Variants in DUOX1 observed in about 807,000 individuals in gnomAD.
The protein encoded by DUOX1 is NADPH thyroid oxidase 1.
A neutral mutation model predicts 181.8 loss-of-function variants in DUOX1; 134 were observed. The ratio of observed to expected loss-of-function variants is 0.74; its 90% CI spans 0.64 to 0.85. DUOX1 has a LOEUF of 0.85. DUOX1 is among the 40% of genes least tolerant of loss of function. DUOX1 has a pLI of 0.00. For missense variants in DUOX1, 1,814 were observed against 2,064.4 expected, an observed-to-expected ratio of 0.88 and a Z score of 2.35; for synonymous variants, 798 against 832.5, an observed-to-expected ratio of 0.96 and a Z score of 0.71.
intron 10 of DUOX1, 101 bp from the exon 11 acceptor site, chr15:45,138,965 G>A (rs1896413103): frequency 9.4e-7 from 1 of 1,065,292 alleles, no homozygotes; most frequent in Non-Finnish European, 1.4e-6. Flanking sequence ...AGCAGGACTG[G>A]GTGGGCTCAG....
chr15:45,139,684 G>A, intron 12 of DUOX1, 85 bp downstream of exon 12: 1 of 1,406,430 alleles, frequency 7.1e-7, no homozygotes, highest in East Asian at 2.5e-5. Flanking sequence ...AGTGAAACTT[G>A]AGCACAAGAG....
At chr15:45,133,728 T>C in intron 2 of DUOX1, 136 bp from the exon 3 acceptor site, 1 of 734,724 alleles carries the variant, frequency 1.4e-6, no homozygotes, top group Non-Finnish European at 2.3e-6. Context: ...CTCTGCACCC[T>C]ACCTCTCACA....
Position 45,143,229 on chromosome 15 carries a change from T to A in DUOX1, c.1862T>A (p.Met621Lys). 1 of 1,614,068 alleles carries A rather than the reference T, an allele frequency of 6.2e-7. No individual in the cohort carries two copies. The change falls in exon 16 of 34, where the codon ATG becomes AAG. Residue 621 changes from methionine (M) to lysine (K), a missense_variant. Coordinates refer to ENST00000389037, the MANE Select transcript of DUOX1 (RefSeq NM_175940.3). ...LSAWIVARLR[M>K]RNFKRLQGQD... ...GCCTGGATTGTTGCCCGGCTCCGGA[T>A]GAGAAATTTCAAGAGGCTCCAGGGC...
At chr15:45,152,836 A>C in intron 25 of DUOX1, 1 of 473,866 alleles carries the variant, frequency 2.1e-6, no homozygotes, top group Non-Finnish European at 3.9e-6. Context: ...CAAAGGAGTG[A>C]ACTTCTAATG....
chr15:45,135,043 T>C (rs949122853), intron 4 of DUOX1, 61 bp from the exon 5 acceptor site: 1 of 1,584,080 alleles, frequency 6.3e-7, no homozygotes, highest in Non-Finnish European at 8.6e-7. Context: ...ACTGGATACC[T>C]AGGGTAAGAA....
chr15:45,154,048 C>G, intron 27 of DUOX1, 48 bp downstream of exon 27: 2 of 1,587,506 alleles, frequency 1.3e-6, no homozygotes, highest in South Asian at 2.2e-5. Context: ...ACTGTGAGTT[C>G]AAGGCTCTGG....
chr15:45,135,080 C>G (rs747911231), intron 4 of DUOX1, 24 bp from the exon 5 acceptor site: 3 of 1,607,778 alleles, frequency 1.9e-6, no homozygotes, highest in Non-Finnish European at 2.5e-6. Context: ...CTTGCCCTAG[C>G]ACCCCCTCCT....
chr15:45,137,920 T>G lies in DUOX1; in HGVS notation c.1023-4T>G, dbSNP rs1236124212. 1 of 1,601,736 alleles carries G rather than the reference T, an allele frequency of 6.2e-7. No individual in the cohort carries two copies. On this transcript the variant is annotated splice_polypyrimidine_tract_variant and splice_region_variant and intron_variant, in intron 9 of 33. Coordinates refer to ENST00000389037, the MANE Select transcript of DUOX1 (RefSeq NM_175940.3). The stretch of plus-strand genomic sequence containing the variant: ...TCACCATCTCCCTGCTCCTTGCATT[T>G]CAGAAATGCCAGCTGCCACTTCCAG...
At chr15:45,140,859 G>T (rs751274492) in intron 12 of DUOX1, 36 bp from the exon 13 acceptor site, 1 of 1,608,000 alleles carries the variant, frequency 6.2e-7, no homozygotes. Context: ...TGGGTGCCGT[G>T]TCCTTTCTCT....
At chr15:45,161,628 C>A in intron 29 of DUOX1, 110 bp from the exon 30 acceptor site, 1 of 991,554 alleles carries the variant, frequency 1.0e-6, no homozygotes, top group Non-Finnish European at 1.5e-6. Context: ...GGGGAGGCCT[C>A]CTTTGTCATA....
rs201145565 is a variant in DUOX1 at position 45,134,189 on chromosome 15, G to A, written c.187G>A (p.Val63Met). Residue 63 changes from valine (V) to methionine (M), a missense_variant, in exon 4 of 34, where the codon GTG (valine) becomes ATG (methionine). Val to Met is a conservative substitution (Grantham distance 21). Transcript: ENST00000389037. ...RLVPASYADG[V>M]YQPLGEPHLP... Reference sequence around the variant, plus strand: ...GGTCCCAGCCAGCTATGCAGATGGCGTGTACCAGCCCTTGGGAGAACCCCA... The same window carrying A: ...GGTCCCAGCCAGCTATGCAGATGGCATGTACCAGCCCTTGGGAGAACCCCA... 8.2e-5 allele frequency: 128 copies of A among 1,557,664 alleles called. No homozygotes were observed. Among genetic ancestry groups the A allele is most frequent in the Non-Finnish European group, 9.8e-5 (113 of 1,156,654 alleles).
At chr15:45,147,746 GC>G (rs781266941) in intron 19 of DUOX1, 88 bp downstream of exon 19, 141 of 1,587,046 alleles carry the variant, frequency 8.9e-5, no homozygotes, top group Non-Finnish European at 1.1e-4. Context: ...TCCAGCCATG[GC>G]AGATGCCCAG....
chr15:45,134,641 C>G (rs542591763), intron 4 of DUOX1, among the ~76,000 whole-genome samples: 4 of 152,088 alleles, frequency 2.6e-5, no homozygotes, highest in Non-Finnish European at 5.9e-5. Context: ...AGGGCCTCTC[C>G]GTGGGACCCT....
At chr15:45,164,405 A>C (rs1478578335) in intron 33 of DUOX1, among the ~76,000 whole-genome samples, 1 of 151,948 alleles carries the variant, frequency 6.6e-6, no homozygotes, top group Non-Finnish European at 1.5e-5. Flanking sequence ...CTAGACCTAT[A>C]AACACTGAGC....
In DUOX1 at chr15:45,136,161, C is replaced by G. The variant is rs1040156080; in HGVS notation, c.865-189C>G. Among the ~76,000 whole-genome samples the G allele has an allele frequency of 5.3e-5, 8 of 151,500 alleles. No homozygotes were observed. The South Asian group carries it at 6.2e-4, about 12-fold the overall frequency. On this transcript the variant is annotated intron_variant, in intron 7 of 33. Transcript: ENST00000389037. ...GTGATGATTATTTATCACCTCCCCA[C>G]CCCCCACTCCCTCAAATCCCCTGGT...
At chr15:45,130,173 CG>C in intron 1 of DUOX1, 75 bp downstream of exon 1, 2 of 152,408 alleles carry the variant, frequency 1.3e-5, no homozygotes, top group Non-Finnish European at 2.9e-5. Context: ...GGCAGGGTGG[CG>C]GGGGAGCCGC....
intron 4 of DUOX1, 56 bp from the exon 5 acceptor site, chr15:45,135,048 T>C: frequency 6.3e-7 from 1 of 1,584,828 alleles, no homozygotes; most frequent in South Asian, 1.1e-5. Context: ...ATACCTAGGG[T>C]AAGAAGGAAA....
chr15:45,143,363 C>A, intron 16 of DUOX1, 60 bp downstream of exon 16: 1 of 1,345,718 alleles, frequency 7.4e-7, no homozygotes, highest in Non-Finnish European at 1.1e-6. Context: ...CTACAGCTAC[C>A]CACCTCCACC....
At chr15:45,138,265 G>A (rs913988060) in intron 10 of DUOX1, among the ~76,000 whole-genome samples, 1 of 152,130 alleles carries the variant, frequency 6.6e-6, no homozygotes, top group Non-Finnish European at 1.5e-5. Flanking sequence ...CCAACCTCAG[G>A]GCTGTGGGAA....
Sources: gnomAD v4.1 joint callset for allele counts (sites outside exome capture counted in the v4.1 genomes callset) on GRCh38, gnomAD v4.1.1 for gene constraint, MANE v1.5 for transcripts, NCBI Gene and HGNC (gene_info 2026-07-23, HGNC 2026-07-21) for gene names.